Variants in SGSM1 observed in about 807,000 individuals in gnomAD.
SGSM1 encodes small G protein signaling modulator 1, also known as RUN and TBC1 domain containing 2.
In SGSM1, 73 loss-of-function variants were observed where a neutral mutation model predicts 133.8. The observed-to-expected ratio is 0.55, with a 90% CI of 0.45 to 0.66. SGSM1 has a LOEUF of 0.66. Among genes scored for constraint, SGSM1 ranks in the 30% least tolerant of loss-of-function variants. The pLI is 0.00. For synonymous variants in SGSM1, 563 were observed against 573.0 expected, an observed-to-expected ratio of 0.98 and a Z score of 0.25; for missense variants, 1,213 against 1,448.1, an observed-to-expected ratio of 0.84 and a Z score of 2.64.
intron 16 of SGSM1, among the ~76,000 whole-genome samples, chr22:24,892,078 G>T (rs1200154326): frequency 6.6e-6 from 1 of 152,158 alleles, no homozygotes; most frequent in Admixed American, 6.5e-5. Context: ...GGGTGGTCAG[G>T]CTGCAACAGA....
At chr22:24,908,973 TG>T (rs1933517241) in intron 21 of SGSM1, among the ~76,000 whole-genome samples, 1 of 152,142 alleles carries the variant, frequency 6.6e-6, no homozygotes, top group Non-Finnish European at 1.5e-5. Context: ...ACAGGAACCT[TG>T]CCGCACGGCA....
rs879225834 is a variant in SGSM1, at chr22:24,926,018, C to T, written c.*1744C>T. 9 of 152,222 alleles carry T rather than the reference C, an allele frequency of 5.9e-5. No individual in the cohort carries two copies. Among genetic ancestry groups the T allele is most frequent in the Admixed American group, 2.6e-4 (4 of 15,274 alleles). 9.4% of individuals were successfully genotyped at this position (152,222 alleles called of 1,614,324 possible). A position where few individuals can be genotyped will look rare whatever the true frequency, so the allele number is the denominator to read the frequency against. On this transcript the variant is annotated 3_prime_UTR_variant, in exon 25 of 25. Transcript: ENST00000400358. Reference sequence around the variant, plus strand: ...GAGAGAAAGGCTCTTCCCGGGAGACCTGCCGCCTCTAGGGTGGTCAGAGAA... The same window carrying T: ...GAGAGAAAGGCTCTTCCCGGGAGACTTGCCGCCTCTAGGGTGGTCAGAGAA...
At chr22:24,899,735 A>G (rs1160834632) in intron 19 of SGSM1, among the ~76,000 whole-genome samples, 1 of 151,742 alleles carries the variant, frequency 6.6e-6, no homozygotes, top group African/African-American at 2.4e-5. Context: ...GTTGGCCAGG[A>G]TGGTCTCGAT....
At chr22:24,893,716 G>C in intron 17 of SGSM1, 103 bp downstream of exon 17, 1 of 1,269,574 alleles carries the variant, frequency 7.9e-7, no homozygotes, top group Non-Finnish European at 1.0e-6. Context: ...CTGGGGCCTG[G>C]TGACAGTCTC....
At chr22:24,859,633 T>C (rs1569151481) in intron 8 of SGSM1, 83 bp from the exon 9 acceptor site, 1 of 1,575,078 alleles carries the variant, frequency 6.3e-7, no homozygotes, top group Admixed American at 1.7e-5. Flanking sequence ...TCTGATTATG[T>C]GTTCTTAAAT....
intron 14 of SGSM1, among the ~76,000 whole-genome samples, chr22:24,881,709 C>A (rs543177610): frequency 5.3e-5 from 8 of 152,362 alleles, no homozygotes; most frequent in African/African-American, 1.9e-4. Context: ...CATCATCCTC[C>A]TCCTCCTCAT....
In SGSM1 at chr22:24,912,640, C is replaced by A; in HGVS notation, c.2819-3C>A. On this transcript the variant is annotated splice_region_variant and splice_polypyrimidine_tract_variant and intron_variant, in intron 21 of 24. Transcript: ENST00000400358. ...ATCTGACTGTTCTGTGATGCTTTCTCAGAGGCCCTTGCCTTCAGCTGCTTC... is the reference window on the plus strand; with the variant it reads ...ATCTGACTGTTCTGTGATGCTTTCTAAGAGGCCCTTGCCTTCAGCTGCTTC... 1 of 1,607,684 alleles carries A rather than the reference C, an allele frequency of 6.2e-7. No homozygotes were observed. Among genetic ancestry groups the A allele is most frequent in the Non-Finnish European group, 8.5e-7 (1 of 1,175,930 alleles).
At chr22:24,920,269 C>T (rs2123750320) in intron 24 of SGSM1, among the ~76,000 whole-genome samples, 1 of 152,320 alleles carries the variant, frequency 6.6e-6, no homozygotes, top group African/African-American at 2.4e-5. Flanking sequence ...TGCCCATGGT[C>T]AAGTCACTTC....
Position 24,845,926 on chromosome 22 carries a change from C to CTTTCT in SGSM1, c.139+972_139+976dup, listed in dbSNP as rs1216524285. Among the ~76,000 whole-genome samples, 557 of 147,100 alleles carry CTTTCT rather than the reference C, an allele frequency of 3.8e-3. 10 individuals carry two copies. The highest frequency in any genetic ancestry group is 0.021 in the East Asian group (102 of 4,854). On this transcript the variant is annotated intron_variant, in intron 3 of 24. Coordinates refer to ENST00000400358, the MANE Select transcript of SGSM1 (RefSeq NM_001098497.3). Reference sequence around the variant, plus strand: ...TCTTGTAATTGACTTTGGGCAAGATCTTTCTTTTCTTTTCTTTTCTTTCTT... The same window carrying CTTTCT: ...TCTTGTAATTGACTTTGGGCAAGATCTTTCTTTTCTTTTCTTTTCTTTTCTTTCTT...
At chr22:24,864,854 C>A (rs536318253) in intron 9 of SGSM1, among the ~76,000 whole-genome samples, 1 of 152,184 alleles carries the variant, frequency 6.6e-6, no homozygotes, top group Non-Finnish European at 1.5e-5. Context: ...TGCTAAAACA[C>A]GCAAATGAAA....
chr22:24,815,972 A>T (rs533911818), intron 2 of SGSM1, among the ~76,000 whole-genome samples: 1 of 152,236 alleles, frequency 6.6e-6, no homozygotes, highest in South Asian at 2.1e-4. Flanking sequence ...GTCAGTTTCT[A>T]TGTATATTCA....
At chr22:24,807,399 T>C (rs1253265544) in intron 2 of SGSM1, among the ~76,000 whole-genome samples, 1 of 152,078 alleles carries the variant, frequency 6.6e-6, no homozygotes, top group Non-Finnish European at 1.5e-5. Flanking sequence ...TTTGTATCTG[T>C]TTTTGTGAGG....
At chr22:24,856,478 A>T (rs1367985864) in intron 8 of SGSM1, among the ~76,000 whole-genome samples, 1 of 152,112 alleles carries the variant, frequency 6.6e-6, no homozygotes, top group Non-Finnish European at 1.5e-5. Flanking sequence ...GGCTGCAGGG[A>T]TGGGTGGTAG....
chr22:24,919,342 G>A (rs1933927983), intron 23 of SGSM1, among the ~76,000 whole-genome samples: 1 of 152,080 alleles, frequency 6.6e-6, no homozygotes, highest in South Asian at 2.1e-4. Flanking sequence ...GAGCCACCAT[G>A]CCCAGCCAAA....
At chr22:24,822,088 C>CT (rs71320790) in intron 2 of SGSM1, among the ~76,000 whole-genome samples, 17,233 of 96,344 alleles carry the variant, frequency 0.18, 2,280 homozygotes, top group South Asian at 0.26. Context: ...TCATCTCTCT[C>CT]TTTTTTTTTT....
intron 8 of SGSM1, chr22:24,856,159 A>C (rs550734875): frequency 5.8e-6 from 2 of 343,028 alleles, no homozygotes; most frequent in African/African-American, 4.3e-5. Context: ...TTGATTCAGC[A>C]AACATTTCCA....
In SGSM1 at chr22:24,827,947, T is replaced by C. The variant is rs568663736; in HGVS notation, c.64-16950T>C. Among the ~76,000 whole-genome samples, 11 of 152,110 alleles carry C rather than the reference T, an allele frequency of 7.2e-5. No homozygotes were observed. The South Asian group carries it at 2.3e-3, about 32-fold the overall frequency. ...CCATCATTGGAGGAATGCAAGCAGA[T>C]GTTGGCGGACCCCTTAGAGTGGATG... On this transcript the variant is annotated intron_variant, in intron 2 of 24. Transcript: ENST00000400358.
At chr22:24,857,407 CAAAAA>C (rs35981293) in intron 8 of SGSM1, among the ~76,000 whole-genome samples, 1 of 120,416 alleles carries the variant, frequency 8.3e-6, no homozygotes, top group Admixed American at 8.7e-5. Context: ...GACTCTGTCT[CAAAAA>C]AAAAAAAAAA....
intron 12 of SGSM1, among the ~76,000 whole-genome samples, chr22:24,872,779 C>T (rs1278788985): frequency 2.6e-5 from 4 of 152,008 alleles, no homozygotes; most frequent in Admixed American, 6.6e-5. Context: ...ACTAGCCGGG[C>T]GTGGTGGCAC....
Sources: gnomAD v4.1 joint callset for allele counts (sites outside exome capture counted in the v4.1 genomes callset) on GRCh38, gnomAD v4.1.1 for gene constraint, MANE v1.5 for transcripts, NCBI Gene and HGNC (gene_info 2026-07-23, HGNC 2026-07-21) for gene names.